PARP4: variants seen among roughly 807,000 people sequenced by gnomAD.
The protein encoded by PARP4 is poly(ADP-ribose) polymerase family member 4, also known as protein mono-ADP-ribosyltransferase PARP4.
In PARP4, 120 loss-of-function variants were observed where a neutral mutation model predicts 187.7. The ratio of observed to expected loss-of-function variants is 0.64; its 90% CI spans 0.55 to 0.74. The LOEUF is 0.74. Among genes scored for constraint, PARP4 ranks in the 30% least tolerant of loss-of-function variants. PARP4 has a pLI of 0.00. For synonymous variants in PARP4, 654 were observed against 740.9 expected (o/e 0.88, Z 1.90); for missense variants, 1,836 against 2,070.5 (o/e 0.89, Z 2.20).
intron 20 of PARP4, among the ~76,000 whole-genome samples, chr13:24,457,302 CT>C (rs1195906274): frequency 6.6e-6 from 1 of 152,184 alleles, no homozygotes; most frequent in Non-Finnish European, 1.5e-5. Flanking sequence ...CTGCGTGCCC[CT>C]TTGCAATGTG....
At chr13:24,431,641 T>C (rs1262772708) in intron 31 of PARP4, among the ~76,000 whole-genome samples, 165 bp from the exon 32 acceptor site, 5 of 152,246 alleles carry the variant, frequency 3.3e-5, no homozygotes, top group Non-Finnish European at 7.3e-5. Context: ...GGTATGCCCA[T>C]GTAATAAACC....
At chr13:24,431,538 C>T (rs1300339519) in intron 31 of PARP4, 62 bp from the exon 32 acceptor site, 38 of 1,050,246 alleles carry the variant, frequency 3.6e-5, no homozygotes, top group Admixed American at 2.7e-4. Flanking sequence ...TAAGAAGTTA[C>T]GTAGTGGGGG....
intron 9 of PARP4, among the ~76,000 whole-genome samples, chr13:24,491,622 C>G (rs1381719431): frequency 6.6e-6 from 1 of 152,152 alleles, no homozygotes; most frequent in African/African-American, 2.4e-5. Context: ...CTGATCTTGG[C>G]CAAATCCCTG....
At chr13:24,474,817 G>A (rs1481105027) in intron 15 of PARP4, among the ~76,000 whole-genome samples, 1 of 152,058 alleles carries the variant, frequency 6.6e-6, no homozygotes, top group African/African-American at 2.4e-5. Flanking sequence ...ACATCTAGAA[G>A]CTTCCATTTC....
chr13:24,430,531 G>A (rs1360399116), intron 32 of PARP4, among the ~76,000 whole-genome samples: 2 of 150,860 alleles, frequency 1.3e-5, no homozygotes, highest in Admixed American at 1.3e-4. Flanking sequence ...GCAGGTGCCT[G>A]TAGTCCCAGC....
chr13:24,464,919 A>C (rs1443747576), intron 17 of PARP4, among the ~76,000 whole-genome samples: 2 of 152,178 alleles, frequency 1.3e-5, no homozygotes, highest in African/African-American at 4.8e-5. Context: ...AATATCCAGA[A>C]TCTACAAGGA....
chr13:24,478,130 C>A lies in PARP4; in HGVS notation c.1595G>T (p.Gly532Val). The change falls in exon 13 of 34, where the codon GGA becomes GTA. Residue 532 changes from glycine (G) to valine (V), a missense_variant. Physicochemically the swap from Gly to Val is moderately radical, Grantham distance 109. Around this residue, in one of 8 missense-constraint regions of PARP4, gnomAD observed 1,147 missense variants for 1,214.2 expected, o/e 0.94. Transcript: ENST00000381989. ...GGTGACAGAGGCTGTTTGCGAAACT[C>A]CATGCACACTGTCGTAGCCTGGTGG... The part of the protein sequence containing the change: ...EAPPGYDSVH[G>V]VSQTASVTTD... The A allele has an allele frequency of 6.2e-7, 1 of 1,611,960 alleles. No homozygotes were observed. Among genetic ancestry groups the A allele is most frequent in the Non-Finnish European group, 8.5e-7 (1 of 1,179,060 alleles).
chr13:24,486,315 T>C lies in PARP4; in HGVS notation c.1215-10A>G, dbSNP rs2137523679. The C allele has an allele frequency of 6.4e-7, 1 of 1,555,464 alleles. No individual in the cohort carries two copies. The highest frequency in any genetic ancestry group is 2.2e-5 in the East Asian group (1 of 44,566). On this transcript the variant is annotated splice_polypyrimidine_tract_variant and intron_variant, in intron 10 of 33. Transcript: ENST00000381989. ...ATCCACTGGGCTCTTACTGTAAGAA[T>C]TAGAAGAAAAGCCTTTAGATTACAT...
chr13:24,431,849 T>C (rs940381552), intron 31 of PARP4, among the ~76,000 whole-genome samples: 2 of 152,220 alleles, frequency 1.3e-5, no homozygotes, highest in African/African-American at 4.8e-5. Context: ...ACATATCTGG[T>C]GGCACTTATA....
chr13:24,436,541 C>T (rs2137444982), intron 30 of PARP4, among the ~76,000 whole-genome samples: 1 of 152,300 alleles, frequency 6.6e-6, no homozygotes, highest in South Asian at 2.1e-4. Flanking sequence ...CTCCTGGGCT[C>T]AAGTGATCCT....
At chr13:24,501,130 T>G (rs1869255577) in intron 3 of PARP4, among the ~76,000 whole-genome samples, 1 of 152,238 alleles carries the variant, frequency 6.6e-6, no homozygotes, top group Non-Finnish European at 1.5e-5. Context: ...GAGTTAGTAT[T>G]TATCAGAACT....
intron 24 of PARP4, among the ~76,000 whole-genome samples, chr13:24,450,837 GCA>G (rs1420197782): frequency 2.0e-5 from 3 of 152,094 alleles, no homozygotes; most frequent in Non-Finnish European, 4.4e-5. Flanking sequence ...CTCCCCCACT[GCA>G]CACCCAGACT....
intron 30 of PARP4, 108 bp from the exon 31 acceptor site, chr13:24,435,582 T>G: frequency 8.8e-7 from 1 of 1,133,442 alleles, no homozygotes; most frequent in South Asian, 1.5e-5. Flanking sequence ...AGGCAGTTGC[T>G]CATCCAGAAT....
In PARP4 at chr13:24,470,003, G is replaced by A; in HGVS notation, c.1937C>T (p.Thr646Ile). ...CTCAATGGGCACGTGACTTTTATTT[G>A]TGTATGTCTGAAAAACAATGACCTG... ...VAQVIVFQTY[T>I]NKSHVPIEAK... Residue 646 changes from threonine (T) to isoleucine (I), a missense_variant, in exon 16 of 34, where the codon ACA becomes ATA. Thr to Ile is a moderately conservative substitution (Grantham distance 89). This residue lies in a region of PARP4 where 1,147 missense variants were observed against 1,214.2 expected (regional missense o/e 0.94). Coordinates refer to ENST00000381989, the MANE Select transcript of PARP4 (RefSeq NM_006437.4). 8 of 1,613,410 alleles carry A rather than the reference G, an allele frequency of 5.0e-6. No homozygotes were observed. Among genetic ancestry groups the A allele is most frequent in the Non-Finnish European group, 6.8e-6 (8 of 1,179,598 alleles).
At chr13:24,421,755 T>C (rs1331983764) in intron 33 of PARP4, among the ~76,000 whole-genome samples, 2 of 152,288 alleles carry the variant, frequency 1.3e-5, no homozygotes, top group East Asian at 1.9e-4. Context: ...GAGTCCCCCA[T>C]GAAACTGGCA....
At position 24,455,080 on chromosome 13, in the gene PARP4, C is replaced by A. The variant is rs2275660; in HGVS notation, c.2695G>T (p.Ala899Ser). The stretch of plus-strand genomic sequence containing the variant: ...CCCACCAAGGACAGCGCATGCAAGG[C>A]GATTTGCTTGGCTTGCAAGAATGTC... ...GVTFLQAKQI[A>S]LHALSLVGEK... The change falls in exon 22 of 34, where the codon GCC becomes TCC. Residue 899 changes from alanine (A) to serine (S), a missense_variant. Ala to Ser is a moderately conservative substitution (Grantham distance 99). Transcript: ENST00000381989. The A allele has an allele frequency of 6.2e-7, 1 of 1,612,792 alleles. No homozygotes were observed. The highest frequency in any genetic ancestry group is 1.7e-5 in the Admixed American group (1 of 59,990).
At chr13:24,495,068 G>A (rs1281151084) in intron 6 of PARP4, among the ~76,000 whole-genome samples, 1 of 151,782 alleles carries the variant, frequency 6.6e-6, no homozygotes, top group African/African-American at 2.4e-5. Context: ...GTAGAGATGG[G>A]GTTTCAACCA....
At chr13:24,451,288 T>C (rs924972549) in intron 24 of PARP4, among the ~76,000 whole-genome samples, 11 of 152,158 alleles carry the variant, frequency 7.2e-5, no homozygotes, top group Admixed American at 2.6e-4. Flanking sequence ...TGAAGTCCCA[T>C]CAGGAACAAC....
At chr13:24,457,539 A>C (rs1033824844) in intron 20 of PARP4, among the ~76,000 whole-genome samples, 2 of 152,200 alleles carry the variant, frequency 1.3e-5, no homozygotes, top group African/African-American at 4.8e-5. Flanking sequence ...TGGGAGGCCA[A>C]GGCAGGCAGA....
Sources: allele counts gnomAD v4.1 joint callset (sites outside exome capture counted in the v4.1 genomes callset), GRCh38; gene constraint gnomAD v4.1.1; regional missense constraint gnomAD v4.1.1; transcripts MANE v1.5; gene names NCBI Gene and HGNC (gene_info 2026-07-23, HGNC 2026-07-21).